AFF3: variants seen among roughly 807,000 people sequenced by gnomAD.
AFF3 encodes ALF transcription elongation factor 3.
A neutral mutation model predicts 129.7 loss-of-function variants in AFF3; 32 were observed. The ratio of observed to expected loss-of-function variants is 0.25; its 90% CI spans 0.19 to 0.33. AFF3 has a LOEUF of 0.33. AFF3 is among the 10% of genes least tolerant of loss of function. The probability of loss-of-function intolerance (pLI) is 1.00; values close to 1 mark genes in which losing one functional copy is unlikely to be tolerated. For missense variants in AFF3, 1,373 were observed against 1,592.0 expected (o/e 0.86, Z 2.34); for synonymous variants, 644 against 635.4 (o/e 1.01, Z -0.20).
chr2:99,795,646 C>G (rs1375868455), intron 8 of AFF3, among the ~76,000 whole-genome samples: 2 of 152,012 alleles, frequency 1.3e-5, no homozygotes, highest in Non-Finnish European at 2.9e-5. Context: ...CTTCTAGGCT[C>G]TCATTACTTC....
intron 9 of AFF3, among the ~76,000 whole-genome samples, chr2:99,750,323 A>T (rs1180951648): frequency 2.0e-5 from 3 of 152,186 alleles, no homozygotes; most frequent in Non-Finnish European, 4.4e-5. Flanking sequence ...ACAAGATATC[A>T]ACTTTTCATT....
chr2:99,553,116 C>G (rs1674560104), intron 24 of AFF3, among the ~76,000 whole-genome samples: 1 of 151,978 alleles, frequency 6.6e-6, no homozygotes, highest in Admixed American at 6.6e-5. Context: ...TTTGTATTTT[C>G]AGTAGAGACG....
In AFF3 at chr2:100,074,119, T is replaced by C. The variant is rs573726253; in HGVS notation, c.53+30283A>G. Among the ~76,000 whole-genome samples, 4 of 152,322 alleles carry C rather than the reference T, an allele frequency of 2.6e-5. No homozygotes were observed. In the East Asian group the frequency reaches 7.7e-4, roughly 29 times the overall value. The stretch of plus-strand genomic sequence containing the variant: ...ATCGCTGCAAGCCTTGGTTTCCTTG[T>C]GTGCATCCGTCAGGTGTCTCAGGCA... On this transcript the variant is annotated intron_variant, in intron 4 of 24. Coordinates refer to ENST00000672756, the MANE Select transcript of AFF3 (RefSeq NM_001386135.1).
chr2:99,567,973 C>T (rs1250446474), intron 19 of AFF3, among the ~76,000 whole-genome samples: 1 of 152,158 alleles, frequency 6.6e-6, no homozygotes, highest in Non-Finnish European at 1.5e-5. Context: ...TTCCGCTGCC[C>T]TCCTCTATTT....
At chr2:99,826,307 T>C (rs1000096876) in intron 8 of AFF3, among the ~76,000 whole-genome samples, 3 of 152,196 alleles carry the variant, frequency 2.0e-5, no homozygotes, top group East Asian at 1.9e-4. Context: ...AGCCACCCCA[T>C]CTGGCCATTT....
intron 2 of AFF3, among the ~76,000 whole-genome samples, chr2:100,109,085 G>A (rs1054965578): frequency 2.0e-5 from 3 of 151,510 alleles, no homozygotes; most frequent in African/African-American, 7.3e-5. Context: ...CAGAGGGCAA[G>A]CAGGGCAGAG....
chr2:99,565,663 GT>G (rs761277269), intron 19 of AFF3, 40 bp from the exon 20 acceptor site: 37 of 1,583,598 alleles, frequency 2.3e-5, no homozygotes, highest in African/African-American at 1.9e-4. Context: ...CTAAACAATA[GT>G]TTTTTTTAAA....
chr2:99,761,594 A>G (rs551145882), intron 8 of AFF3, among the ~76,000 whole-genome samples: 3 of 152,346 alleles, frequency 2.0e-5, no homozygotes, highest in Non-Finnish European at 4.4e-5. Context: ...AGGAGAGAAG[A>G]AACAAAAATA....
At chr2:99,823,493 A>G (rs1045726159) in intron 8 of AFF3, among the ~76,000 whole-genome samples, 5 of 152,234 alleles carry the variant, frequency 3.3e-5, no homozygotes, top group African/African-American at 1.2e-4. Context: ...AAATAAATCT[A>G]TATTTGAGAC....
chr2:99,655,430 G>A (rs1346220478), intron 12 of AFF3, among the ~76,000 whole-genome samples: 1 of 152,144 alleles, frequency 6.6e-6, no homozygotes, highest in African/African-American at 2.4e-5. Flanking sequence ...CAGAGAAATG[G>A]GGGTGGGTGG....
intron 11 of AFF3, among the ~76,000 whole-genome samples, chr2:99,700,159 C>T (rs375979959): frequency 1.3e-5 from 2 of 151,172 alleles, no homozygotes; most frequent in South Asian, 2.1e-4. Flanking sequence ...CTCGCTCTGT[C>T]GCCCAGGCTG....
At chr2:99,781,362 T>C (rs1684392741) in intron 8 of AFF3, among the ~76,000 whole-genome samples, 2 of 152,230 alleles carry the variant, frequency 1.3e-5, no homozygotes, top group Non-Finnish European at 2.9e-5. Flanking sequence ...CTACCATTTA[T>C]ATATTTATTG....
intron 4 of AFF3, among the ~76,000 whole-genome samples, chr2:100,093,694 C>T (rs1026510791): frequency 4.6e-5 from 7 of 152,022 alleles, no homozygotes; most frequent in African/African-American, 1.7e-4. Context: ...CCTGGTGTTA[C>T]CCGCTGAGCT....
intron 2 of AFF3, among the ~76,000 whole-genome samples, chr2:100,122,387 A>G (rs984230369): frequency 1.3e-5 from 2 of 152,236 alleles, no homozygotes; most frequent in East Asian, 3.8e-4. Context: ...TGTAATAGCT[A>G]GGCTGTCACT....
intron 1 of AFF3, among the ~76,000 whole-genome samples, chr2:100,137,958 G>A (rs1435104399): frequency 2.6e-5 from 4 of 152,180 alleles, no homozygotes; most frequent in African/African-American, 9.7e-5. Context: ...AAAGCAATCA[G>A]AATGAGGATG....
At chr2:99,897,588 C>G (rs931408673) in intron 7 of AFF3, among the ~76,000 whole-genome samples, 1 of 152,160 alleles carries the variant, frequency 6.6e-6, no homozygotes, top group South Asian at 2.1e-4. Flanking sequence ...TTTCAAAACC[C>G]GGCTTCTTAT....
At chr2:99,799,747 A>T (rs1363495336) in intron 8 of AFF3, among the ~76,000 whole-genome samples, 1 of 152,156 alleles carries the variant, frequency 6.6e-6, no homozygotes, top group Non-Finnish European at 1.5e-5. Context: ...ACAGTGTGAT[A>T]CCAGTGTAAG....
At chr2:99,651,733 C>T (rs1406788201) in intron 12 of AFF3, among the ~76,000 whole-genome samples, 2 of 152,202 alleles carry the variant, frequency 1.3e-5, no homozygotes, top group South Asian at 2.1e-4. Flanking sequence ...TGAGCCACCA[C>T]GCCTGGCCTA....
intron 2 of AFF3, among the ~76,000 whole-genome samples, chr2:100,121,137 C>T (rs537045593): frequency 6.6e-6 from 1 of 152,308 alleles, no homozygotes; most frequent in South Asian, 2.1e-4. Flanking sequence ...AAGCCTGATA[C>T]CACAGCCCAA....
Sources: allele counts gnomAD v4.1 joint callset (sites outside exome capture counted in the v4.1 genomes callset), GRCh38; gene constraint gnomAD v4.1.1; transcripts MANE v1.5; gene names NCBI Gene and HGNC (gene_info 2026-07-23, HGNC 2026-07-21).